SCFD1: variants seen among roughly 807,000 people sequenced by gnomAD.
The protein encoded by SCFD1 is sec1 family domain-containing protein 1.
Under a neutral mutation model 103.2 loss-of-function variants are expected in SCFD1, and 37 were observed. The observed-to-expected ratio is 0.36, with a 90% CI of 0.28 to 0.47. The LOEUF (loss-of-function observed/expected upper bound fraction) is 0.47. Ranked by LOEUF, SCFD1 falls within the 20% of genes least tolerant of loss-of-function variation. The pLI is 1.00. For synonymous variants in SCFD1, 264 were observed against 245.0 expected (o/e 1.08, Z -0.73); for missense variants, 639 against 761.2 (o/e 0.84, Z 1.89).
At chr14:30,626,018 G>A (rs971547243) in intron 1 of SCFD1, among the ~76,000 whole-genome samples, 2 of 152,120 alleles carry the variant, frequency 1.3e-5, no homozygotes, top group Admixed American at 1.3e-4. Context: ...GGGCGTGAGT[G>A]CCAGGGTGGT....
chr14:30,639,785 C>T lies in SCFD1; in HGVS notation c.444C>T (p.Asp148=). 6.4e-7 allele frequency: 1 copy of T among 1,570,996 alleles called. No homozygotes were observed. Residue 148 remains aspartate, a synonymous_variant, in exon 6 of 25, where the codon GAC becomes GAT. Transcript: ENST00000458591. ...SAVTQVAKVF[D]QYLNFITLED... ...TTTTCTTTTGTTTCTAGGTTTTTGACCAATATCTCAATTTTATTACTTTGG... is the reference window on the plus strand; with the variant it reads ...TTTTCTTTTGTTTCTAGGTTTTTGATCAATATCTCAATTTTATTACTTTGG...
intron 17 of SCFD1, among the ~76,000 whole-genome samples, chr14:30,704,029 A>G (rs1356201264): frequency 6.8e-6 from 1 of 147,416 alleles, no homozygotes; most frequent in Non-Finnish European, 1.5e-5. Context: ...TCTCATATGC[A>G]TAGCCTAAAG....
chr14:30,634,956 A>G (rs1480284643), intron 4 of SCFD1: 4 of 455,936 alleles, frequency 8.8e-6, no homozygotes, highest in East Asian at 6.9e-5. Context: ...GCAAAAGTCA[A>G]TATTTAGATG....
At chr14:30,672,030 AAAG>A (rs1888596135) in intron 11 of SCFD1, among the ~76,000 whole-genome samples, 1 of 145,740 alleles carries the variant, frequency 6.9e-6, no homozygotes, top group Non-Finnish European at 1.5e-5. Context: ...AAAAAAAAAG[AAAG>A]AAAAGATAAA....
intron 19 of SCFD1, among the ~76,000 whole-genome samples, chr14:30,714,252 G>C (rs1438698017): frequency 6.6e-6 from 1 of 151,838 alleles, no homozygotes; most frequent in South Asian, 2.1e-4. Context: ...TACTCGGGAG[G>C]CTGAGGCAGG....
At chr14:30,649,718 T>G (rs1487561117) in intron 8 of SCFD1, 135 bp downstream of exon 8, 1 of 654,596 alleles carries the variant, frequency 1.5e-6, no homozygotes, top group African/African-American at 2.0e-5. Flanking sequence ...TATTTTTATT[T>G]TATTACATTG....
At chr14:30,656,813 A>G (rs542732931) in intron 10 of SCFD1, among the ~76,000 whole-genome samples, 1 of 152,146 alleles carries the variant, frequency 6.6e-6, no homozygotes, top group African/African-American at 2.4e-5. Flanking sequence ...AGAGCAAGAA[A>G]GAACAGGGAA....
At chr14:30,654,533 G>A (rs934929945) in intron 10 of SCFD1, among the ~76,000 whole-genome samples, 2 of 152,192 alleles carry the variant, frequency 1.3e-5, no homozygotes, top group African/African-American at 4.8e-5. Context: ...AATTAGCCAA[G>A]CGTGGTGGCA....
chr14:30,719,435 A>AT (rs1892502135), intron 21 of SCFD1, 58 bp downstream of exon 21: 3 of 1,266,566 alleles, frequency 2.4e-6, no homozygotes, highest in African/African-American at 1.5e-5. Flanking sequence ...AATGGAAATA[A>AT]TTTTTTTATT....
chr14:30,653,475 A>G lies in SCFD1; in HGVS notation c.756-14A>G, dbSNP rs778844057. 3.2e-6 allele frequency: 5 copies of G among 1,547,254 alleles called. No homozygotes were observed. Among genetic ancestry groups the G allele is most frequent in the Non-Finnish European group, 2.7e-6 (3 of 1,123,610 alleles). ...ATCAAGAGTTATGTAATTTTTTTATATGTATATTTACAGCTTCCAGAGGCC... is the reference window on the plus strand; with the variant it reads ...ATCAAGAGTTATGTAATTTTTTTATGTGTATATTTACAGCTTCCAGAGGCC... On this transcript the variant is annotated splice_polypyrimidine_tract_variant and intron_variant, in intron 9 of 24. Transcript: ENST00000458591.
intron 14 of SCFD1, among the ~76,000 whole-genome samples, chr14:30,684,462 G>C (rs10141827): frequency 0.037 from 5,596 of 152,266 alleles, 334 homozygotes; most frequent in African/African-American, 0.12. Context: ...TGTGCGCACA[G>C]CATGTTAATG....
At chr14:30,678,851 A>T (rs968442255) in intron 14 of SCFD1, among the ~76,000 whole-genome samples, 2 of 152,120 alleles carry the variant, frequency 1.3e-5, no homozygotes, top group Admixed American at 1.3e-4. Context: ...TTGTTACTGG[A>T]TCCTCATTTT....
rs183498995 is a variant in SCFD1 at position 30,665,456 on chromosome 14, C to G, written c.856-4800C>G. ...CAAAAACATGCCAAATTGTAAAGAC[C>G]ATAGATGCTAGGAAGAAACTGCATC... On this transcript the variant is annotated intron_variant, in intron 10 of 24. Transcript: ENST00000458591. Among the ~76,000 whole-genome samples the G allele has an allele frequency of 6.6e-5, 10 of 152,228 alleles. No individual in the cohort carries two copies. The East Asian group carries it at 7.7e-4, about 12-fold the overall frequency.
At chr14:30,664,744 G>A (rs1887776958) in intron 10 of SCFD1, among the ~76,000 whole-genome samples, 1 of 152,174 alleles carries the variant, frequency 6.6e-6, no homozygotes, top group Non-Finnish European at 1.5e-5. Flanking sequence ...ACTACGTGAT[G>A]CATGCACAAG....
At chr14:30,638,700 G>C (rs1339033815) in intron 5 of SCFD1, among the ~76,000 whole-genome samples, 2 of 152,060 alleles carry the variant, frequency 1.3e-5, no homozygotes, top group African/African-American at 4.8e-5. Flanking sequence ...AAGTGCCTCT[G>C]TTGCATATTA....
chr14:30,625,939 C>G (rs190529854), intron 1 of SCFD1, among the ~76,000 whole-genome samples: 2 of 152,006 alleles, frequency 1.3e-5, no homozygotes, highest in African/African-American at 2.4e-5. Flanking sequence ...CTCAGGCTTT[C>G]GTTCTTCCAA....
chr14:30,717,345 TACACA>T (rs1892348020), intron 20 of SCFD1, among the ~76,000 whole-genome samples: 2 of 151,988 alleles, frequency 1.3e-5, no homozygotes, highest in African/African-American at 4.8e-5. Flanking sequence ...GGTGTGGTGA[TACACA>T]CCTGTAGTCC....
intron 20 of SCFD1, among the ~76,000 whole-genome samples, chr14:30,717,855 G>C (rs1043321450): frequency 6.8e-6 from 1 of 147,248 alleles, no homozygotes; most frequent in Admixed American, 6.9e-5. Context: ...CTGCACTCCA[G>C]CCTGGGTGAC....
chr14:30,721,242 G>C (rs973254117), intron 21 of SCFD1, among the ~76,000 whole-genome samples: 1 of 151,992 alleles, frequency 6.6e-6, no homozygotes, highest in Admixed American at 6.6e-5. Flanking sequence ...TTTCTCAGTT[G>C]ATATTTTCAA....
Sources: gnomAD v4.1 joint callset for allele counts (sites outside exome capture counted in the v4.1 genomes callset) on GRCh38, gnomAD v4.1.1 for gene constraint, MANE v1.5 for transcripts, NCBI Gene and HGNC (gene_info 2026-07-23, HGNC 2026-07-21) for gene names.